Variants in CCNY observed in about 807,000 individuals in gnomAD.
CCNY encodes the protein cyclin-Y.
Under a neutral mutation model 42.8 loss-of-function variants are expected in CCNY, and 19 were observed. The ratio of observed to expected loss-of-function variants is 0.44; its 90% confidence interval spans 0.31 to 0.65. The LOEUF (loss-of-function observed/expected upper bound fraction) is 0.65, where lower values mean the gene tolerates loss of function less well. Ranked by LOEUF, CCNY falls within the 30% of genes least tolerant of loss-of-function variation. The probability of loss-of-function intolerance (pLI) is 0.07; values close to 1 mark genes in which losing one functional copy is unlikely to be tolerated. For missense variants in CCNY, 370 were observed against 437.3 expected (o/e 0.85, Z 1.37); for synonymous variants, 165 against 162.7 (o/e 1.01, Z -0.11).
chr10:35,410,979 G>A (rs1271148062), intron 1 of CCNY, among the ~76,000 whole-genome samples: 3 of 152,230 alleles, frequency 2.0e-5, no homozygotes, highest in South Asian at 2.1e-4. Context: ...TAATGGTGGT[G>A]TGTGAAGGGT....
chr10:35,268,115 G>C (rs1039300484), intron 3 of CCNY, among the ~76,000 whole-genome samples: 1 of 151,998 alleles, frequency 6.6e-6, no homozygotes, highest in Admixed American at 6.6e-5. Context: ...GGTTGGTCTC[G>C]AACTCCTGGC....
At chr10:35,390,585 C>T (rs1272466468) in intron 1 of CCNY, among the ~76,000 whole-genome samples, 2 of 152,142 alleles carry the variant, frequency 1.3e-5, no homozygotes, top group East Asian at 3.8e-4. Flanking sequence ...GCTCCCTTAC[C>T]TCTCCCTTAC....
At chr10:35,417,063 A>T (rs1012416109) in intron 1 of CCNY, among the ~76,000 whole-genome samples, 1 of 152,194 alleles carries the variant, frequency 6.6e-6, no homozygotes, top group Non-Finnish European at 1.5e-5. Context: ...CAGAGTCGAG[A>T]GAGGCATACT....
chr10:35,389,866 T>C (rs540003511), intron 1 of CCNY, among the ~76,000 whole-genome samples: 2 of 152,372 alleles, frequency 1.3e-5, no homozygotes, highest in Admixed American at 6.5e-5. Flanking sequence ...GAATGTGTTA[T>C]TGTTGCCTTC....
intron 3 of CCNY, among the ~76,000 whole-genome samples, chr10:35,251,429 G>T (rs2095711986): frequency 6.6e-6 from 1 of 152,062 alleles, no homozygotes; most frequent in Non-Finnish European, 1.5e-5. Context: ...AAACTAAATT[G>T]CTCATGTTAG....
At chr10:35,430,269 G>A (rs1409779277) in intron 1 of CCNY, among the ~76,000 whole-genome samples, 4 of 145,848 alleles carry the variant, frequency 2.7e-5, no homozygotes, top group Admixed American at 7.0e-5. Context: ...CCCGGGAGGC[G>A]GAGCTTGCAG....
At position 35,529,968 on chromosome 10, in the gene CCNY, A is replaced by T. The variant is rs1401493036; in HGVS notation, c.402-5A>T. The T allele has an allele frequency of 1.3e-5, 21 of 1,611,764 alleles. No homozygotes were observed. The highest frequency in any genetic ancestry group is 3.3e-4 in the Middle Eastern group (2 of 6,076). ...AGTTTCATTTTCTATTATTTTCCCT[A>T]CCAGGGACCCAGATGGAAGGATGCT... On this transcript the variant is annotated splice_region_variant and splice_polypyrimidine_tract_variant and intron_variant, in intron 5 of 9. Coordinates refer to ENST00000374704, the MANE Select transcript of CCNY (RefSeq NM_145012.6).
intron 1 of CCNY, among the ~76,000 whole-genome samples, chr10:35,407,020 G>A (rs1837794824): frequency 6.6e-6 from 1 of 152,204 alleles, no homozygotes; most frequent in Non-Finnish European, 1.5e-5. Flanking sequence ...GCGTCTAAGG[G>A]TTGTTGTCAA....
At chr10:35,318,475 G>T (rs1244952933) in intron 3 of CCNY, among the ~76,000 whole-genome samples, 1 of 152,040 alleles carries the variant, frequency 6.6e-6, no homozygotes, top group Non-Finnish European at 1.5e-5. Flanking sequence ...CAGTTTTGCT[G>T]GATCTGACAT....
At chr10:35,274,812 G>T (rs148189789) in intron 3 of CCNY, among the ~76,000 whole-genome samples, 12 of 152,208 alleles carry the variant, frequency 7.9e-5, no homozygotes, top group African/African-American at 2.9e-4. Flanking sequence ...CAGCTGGATG[G>T]TCATATGCAG....
At chr10:35,355,678 C>CAAA (rs60257114) in intron 1 of CCNY, among the ~76,000 whole-genome samples, 2,641 of 57,370 alleles carry the variant, frequency 0.046, 671 homozygotes, top group Admixed American at 0.062. Context: ...ATACTGTCTC[C>CAAA]AAAAAAAAAA....
intron 1 of CCNY, among the ~76,000 whole-genome samples, chr10:35,464,248 C>T (rs1171856139): frequency 2.6e-5 from 4 of 152,194 alleles, no homozygotes; most frequent in Admixed American, 6.5e-5. Context: ...CATCTGCCTC[C>T]TTGTCCTCAT....
chr10:35,315,175 A>G (rs902198506), intron 3 of CCNY: 2 of 152,148 alleles, frequency 1.3e-5, no homozygotes, highest in African/African-American at 4.8e-5. Flanking sequence ...TTCTGTCATG[A>G]GGGTTGGGTG....
intron 3 of CCNY, among the ~76,000 whole-genome samples, chr10:35,273,020 G>A (rs1316535658): frequency 1.3e-5 from 2 of 151,700 alleles, no homozygotes; most frequent in African/African-American, 4.8e-5. Context: ...CTAATGATCA[G>A]TGGTGTTGAG....
At chr10:35,312,856 G>A (rs746302201) in intron 3 of CCNY, among the ~76,000 whole-genome samples, 1 of 148,030 alleles carries the variant, frequency 6.8e-6, no homozygotes, top group African/African-American at 2.5e-5. Flanking sequence ...GGCTCAAGCC[G>A]TCCTCCTGCC....
At chr10:35,397,757 C>T (rs1040301014) in intron 1 of CCNY, among the ~76,000 whole-genome samples, 4 of 152,142 alleles carry the variant, frequency 2.6e-5, no homozygotes, top group Admixed American at 6.5e-5. Context: ...CAGAAATGGC[C>T]CCAGCTGTGT....
chr10:35,413,092 A>G (rs2135250360), intron 1 of CCNY, among the ~76,000 whole-genome samples: 1 of 152,114 alleles, frequency 6.6e-6, no homozygotes, highest in Non-Finnish European at 1.5e-5. Context: ...GAAGGAAGGA[A>G]CCAAAAAAGG....
chr10:35,386,443 T>C (rs1180093203), intron 1 of CCNY, among the ~76,000 whole-genome samples: 3 of 152,226 alleles, frequency 2.0e-5, no homozygotes, highest in South Asian at 2.1e-4. Context: ...GATTGTTCTT[T>C]AGTAGTGACT....
At chr10:35,552,893 A>G (rs1235996342) in intron 7 of CCNY, 126 bp from the exon 8 acceptor site, 19 of 1,007,348 alleles carry the variant, frequency 1.9e-5, no homozygotes, top group Non-Finnish European at 2.7e-5. Context: ...TTTTAAAAAT[A>G]AATGTGATTG....
Sources: allele counts gnomAD v4.1 joint callset (sites outside exome capture counted in the v4.1 genomes callset), GRCh38; gene constraint gnomAD v4.1.1; transcripts MANE v1.5; gene names NCBI Gene and HGNC (gene_info 2026-07-23, HGNC 2026-07-21).